Variants in FAT3 observed in about 807,000 individuals in gnomAD.
FAT3 encodes FAT atypical cadherin 3.
A neutral mutation model predicts 310.2 loss-of-function variants in FAT3; 95 were observed. The observed-to-expected ratio is 0.31, with a 90% CI of 0.26 to 0.36. The LOEUF is 0.36. FAT3 is among the 10% of genes least tolerant of loss of function. FAT3 has a pLI of 1.00. For synonymous variants in FAT3, 2,314 were observed against 2,192.9 expected, an observed-to-expected ratio of 1.06 and a Z score of -1.54; for missense variants, 5,408 against 5,715.6, an observed-to-expected ratio of 0.95 and a Z score of 1.74.
chr11:92,645,091 T>C (rs1942101122), intron 3 of FAT3, among the ~76,000 whole-genome samples: 1 of 152,312 alleles, frequency 6.6e-6, no homozygotes, highest in East Asian at 1.9e-4. Flanking sequence ...TGTTAAGAAG[T>C]TTTCTGAGTA....
intron 3 of FAT3, among the ~76,000 whole-genome samples, chr11:92,624,531 G>A (rs1030837864): frequency 6.6e-6 from 1 of 152,182 alleles, no homozygotes; most frequent in Non-Finnish European, 1.5e-5. Context: ...TGTGAGAATT[G>A]GCAGGTGGCG....
At chr11:92,705,660 GGTGTGATGGT>G in intron 4 of FAT3, among the ~76,000 whole-genome samples, 1 of 120,350 alleles carries the variant, frequency 8.3e-6, no homozygotes, top group Admixed American at 8.6e-5. Flanking sequence ...GTGTGATGGT[GGTGTGATGGT>G]GTAGTGATCG....
At chr11:92,394,578 G>A (rs775303242) in intron 2 of FAT3, among the ~76,000 whole-genome samples, 12 of 152,000 alleles carry the variant, frequency 7.9e-5, no homozygotes, top group Non-Finnish European at 1.2e-4. Context: ...CTCTGTCACT[G>A]CTCAGCTGTG....
chr11:92,549,188 T>G (rs1954719283), intron 3 of FAT3, among the ~76,000 whole-genome samples: 2 of 152,190 alleles, frequency 1.3e-5, no homozygotes, highest in Admixed American at 1.3e-4. Context: ...GGATATCCAC[T>G]TCCTTACAGA....
chr11:92,727,550 A>T (rs1945035523), intron 4 of FAT3, among the ~76,000 whole-genome samples: 1 of 152,186 alleles, frequency 6.6e-6, no homozygotes. Context: ...TAGAAAATGC[A>T]GTCTGGCCTG....
chr11:92,258,479 G>T (rs1160823888), intron 1 of FAT3, among the ~76,000 whole-genome samples: 1 of 151,972 alleles, frequency 6.6e-6, no homozygotes, highest in East Asian at 1.9e-4. Flanking sequence ...GTTCCAACTG[G>T]GTATAGGAGC....
intron 13 of FAT3, among the ~76,000 whole-genome samples, chr11:92,816,219 G>T (rs949841114): frequency 1.3e-5 from 2 of 152,194 alleles, no homozygotes; most frequent in Non-Finnish European, 2.9e-5. Flanking sequence ...GCAAGACTGA[G>T]ATCATTTGTA....
At chr11:92,865,292 C>T in intron 21 of FAT3, among the ~76,000 whole-genome samples, 1 of 152,198 alleles carries the variant, frequency 6.6e-6, no homozygotes, top group East Asian at 1.9e-4. Flanking sequence ...GAGAGATGCT[C>T]TGATAATCCC....
At chr11:92,247,672 A>G (rs1864974329) in intron 1 of FAT3, among the ~76,000 whole-genome samples, 1 of 150,554 alleles carries the variant, frequency 6.6e-6, no homozygotes, top group African/African-American at 2.4e-5. Context: ...ACTCTGTATT[A>G]TGGCTGACTT....
At chr11:92,470,284 A>G (rs1169911501) in intron 2 of FAT3, among the ~76,000 whole-genome samples, 1 of 152,260 alleles carries the variant, frequency 6.6e-6, no homozygotes, top group Non-Finnish European at 1.5e-5. Context: ...GGACTAGGCC[A>G]TCAGACTTTG....
chr11:92,855,879 C>A (rs893137008), intron 19 of FAT3, among the ~76,000 whole-genome samples: 1 of 151,930 alleles, frequency 6.6e-6, no homozygotes, highest in African/African-American at 2.4e-5. Context: ...ACTTATATTG[C>A]TCCTGTCAAG....
intron 1 of FAT3, among the ~76,000 whole-genome samples, chr11:92,236,786 G>A (rs998005646): frequency 6.6e-6 from 1 of 152,150 alleles, no homozygotes; most frequent in Non-Finnish European, 1.5e-5. Flanking sequence ...TAGGAAAAGG[G>A]ATATCTTATT....
rs555383333 is a variant in FAT3, at chr11:92,792,807, G to A, written c.4652G>A (p.Arg1551Gln). The change falls in exon 9 of 28, where the codon CGA becomes CAA. Residue 1551 changes from arginine (R) to glutamine (Q), a missense_variant. Transcript: ENST00000525166. ...QEFPYRRNLA[R>Q]VIVNVEDAND... Reference sequence around the variant, plus strand: ...TTTCCTTATCGAAGAAACTTGGCCCGAGTCATTGTGAATGTGGAGGATGCT... The same window carrying A: ...TTTCCTTATCGAAGAAACTTGGCCCAAGTCATTGTGAATGTGGAGGATGCT... The A allele has an allele frequency of 5.1e-5, 82 of 1,613,796 alleles. No homozygotes were observed. Among genetic ancestry groups the A allele is most frequent in the African/African-American group, 1.2e-4 (9 of 75,020 alleles).
At chr11:92,227,270 G>T (rs558405195) in intron 1 of FAT3, among the ~76,000 whole-genome samples, 50 of 152,334 alleles carry the variant, frequency 3.3e-4, no homozygotes, top group African/African-American at 1.2e-3. Context: ...AGGCGAGTCC[G>T]GGGTAGTGGG....
At chr11:92,324,231 A>AT (rs138064920) in intron 1 of FAT3, among the ~76,000 whole-genome samples, 5 of 152,144 alleles carry the variant, frequency 3.3e-5, no homozygotes, top group African/African-American at 1.2e-4. Flanking sequence ...TCCTGCAAGA[A>AT]TTTTTTCTTT....
Position 92,869,736 on chromosome 11 carries a change from G to A in FAT3, c.12127+2527G>A, listed in dbSNP as rs537476136. On this transcript the variant is annotated intron_variant, in intron 22 of 27. Coordinates refer to ENST00000525166, the MANE Select transcript of FAT3 (RefSeq NM_001367949.2). ...ATGAAACTATGTAGCTAATTAAAAG[G>A]TTACTTAAAAGAAAAATCCTCTGAG... 2.1e-4 allele frequency among the ~76,000 whole-genome samples: 32 copies of A among 152,290 alleles called. 1 individual carries two copies. The highest frequency in any genetic ancestry group is 7.2e-4 in the African/African-American group (30 of 41,564).
chr11:92,226,372 T>C (rs1863907840), intron 1 of FAT3, among the ~76,000 whole-genome samples: 1 of 152,102 alleles, frequency 6.6e-6, no homozygotes, highest in Non-Finnish European at 1.5e-5. Context: ...AAAGCAACTT[T>C]TATTCACTTT....
Position 92,352,672 on chromosome 11 carries a change from T to C in FAT3, c.560T>C (p.Ile187Thr), listed in dbSNP as rs868090517. The C allele has an allele frequency of 1.2e-6, 2 of 1,613,842 alleles. No individual in the cohort carries two copies. The highest frequency in any genetic ancestry group is 1.1e-5 in the South Asian group (1 of 91,072). ...CAGGTGACTGCAACAGACGCAGATA[T>C]TGGTTCCAATGGAGAATTCTACTAC... The part of the protein sequence containing the change: ...VAQVTATDAD[I>T]GSNGEFYYYF... Residue 187 changes from isoleucine (I) to threonine (T), a missense_variant, in exon 2 of 28, where the codon ATT (isoleucine) becomes ACT (threonine). Around this residue, in one of 5 missense-constraint regions of FAT3, gnomAD observed 4,588 missense variants for 4,809.8 expected, o/e 0.95. Transcript: ENST00000525166.
chr11:92,495,891 C>G (rs2135253816), intron 2 of FAT3, among the ~76,000 whole-genome samples: 1 of 152,204 alleles, frequency 6.6e-6, no homozygotes, highest in Admixed American at 6.5e-5. Context: ...TAATTCTCAG[C>G]TATTTGAACC....
Sources: gnomAD v4.1 joint callset for allele counts (sites outside exome capture counted in the v4.1 genomes callset) on GRCh38, gnomAD v4.1.1 for gene constraint, gnomAD v4.1.1 regional missense constraint, MANE v1.5 for transcripts, NCBI Gene and HGNC (gene_info 2026-07-23, HGNC 2026-07-21) for gene names.